Variants in KIF13B observed in about 807,000 individuals in gnomAD.
The protein encoded by KIF13B is kinesin-like protein KIF13B.
KIF13B carries 127 observed loss-of-function variants against 222.0 expected under a neutral mutation model. The observed-to-expected ratio is 0.57, with a 90% CI of 0.50 to 0.66. The LOEUF (loss-of-function observed/expected upper bound fraction) is 0.66, where lower values mean the gene tolerates loss of function less well. Among genes scored for constraint, KIF13B ranks in the 30% least tolerant of loss-of-function variants. The pLI, the probability that KIF13B is intolerant of heterozygous loss-of-function variation, is 0.00. For synonymous variants in KIF13B, 976 were observed against 919.0 expected, an observed-to-expected ratio of 1.06 and a Z score of -1.12; for missense variants, 2,173 against 2,379.0, an observed-to-expected ratio of 0.91 and a Z score of 1.80.
chr8:29,167,346 C>A (rs1201170511), intron 11 of KIF13B, 27 bp downstream of exon 11: 2 of 1,570,460 alleles, frequency 1.3e-6, no homozygotes, highest in Non-Finnish European at 1.7e-6. Context: ...CCTGGACTCA[C>A]AGGGCGCACG....
chr8:29,149,837 G>C (rs1479791738), intron 15 of KIF13B, among the ~76,000 whole-genome samples: 1 of 152,024 alleles, frequency 6.6e-6, no homozygotes, highest in Non-Finnish European at 1.5e-5. Context: ...GTTCTGTCAG[G>C]GGAATAAATG....
At chr8:29,123,186 A>G (rs145066175) in intron 28 of KIF13B, among the ~76,000 whole-genome samples, 180 bp downstream of exon 28, 458 of 152,364 alleles carry the variant, frequency 3.0e-3, no homozygotes, top group African/African-American at 0.01. Context: ...ATTTAATAAA[A>G]CAGTTTTAGG....
At chr8:29,157,437 T>C (rs1252926570) in intron 13 of KIF13B, among the ~76,000 whole-genome samples, 1 of 143,332 alleles carries the variant, frequency 7.0e-6, no homozygotes, top group African/African-American at 2.6e-5. Flanking sequence ...GTGCGGTGGC[T>C]CATACCTGTG....
intron 30 of KIF13B, among the ~76,000 whole-genome samples, chr8:29,117,977 G>A (rs1809680215): frequency 6.6e-6 from 1 of 151,986 alleles, no homozygotes; most frequent in Non-Finnish European, 1.5e-5. Context: ...GACCAACATG[G>A]TGAAACCCCA....
intron 2 of KIF13B, among the ~76,000 whole-genome samples, chr8:29,217,457 T>C (rs1257715636): frequency 6.6e-6 from 1 of 152,328 alleles, no homozygotes; most frequent in South Asian, 2.1e-4. Flanking sequence ...CTATAAAATG[T>C]AGCCAACAAG....
Position 29,113,470 on chromosome 8 carries a change from A to G in KIF13B, c.3923T>C (p.Ile1308Thr), listed in dbSNP as rs1270349457. Residue 1308 changes from isoleucine to threonine, a missense_variant, in exon 32 of 40, where the codon ATT becomes ACT. Physicochemically the swap from Ile to Thr is moderately conservative, Grantham distance 89. Transcript: ENST00000524189. The part of the protein sequence containing the change: ...CGVTFEIVSN[I>T]PEDAQGVEER... ...AAATTGTATATCCTTCACCTCTGGA[A>G]TATTGGAGACAATTTCAAAAGTCAC... 1.3e-6 allele frequency: 2 copies of G among 1,564,114 alleles called. No individual in the cohort carries two copies. Among genetic ancestry groups the G allele is most frequent in the South Asian group, 1.2e-5 (1 of 85,758 alleles).
At chr8:29,083,656 A>G (rs557291927) in intron 37 of KIF13B, among the ~76,000 whole-genome samples, 203 of 152,322 alleles carry the variant, frequency 1.3e-3, no homozygotes, top group Middle Eastern at 3.4e-3. Context: ...CTGGAAAACT[A>G]AAAGAGTGAT....
At chr8:29,076,598 C>T (rs1424171024) in intron 37 of KIF13B, among the ~76,000 whole-genome samples, 1 of 152,242 alleles carries the variant, frequency 6.6e-6, no homozygotes. Flanking sequence ...CCGAAGAAGC[C>T]AGCCCGCTCA....
chr8:29,110,122 C>T (rs980694516), intron 32 of KIF13B, 52 bp from the exon 33 acceptor site: 11 of 1,441,006 alleles, frequency 7.6e-6, no homozygotes, highest in Non-Finnish European at 1.0e-5. Flanking sequence ...TACACACACA[C>T]ACGTACACGC....
Position 29,123,627 on chromosome 8 carries a change from C to T in KIF13B, c.3353-135G>A. ...CTCCCCAGTGATAAAAACTAACCCA[C>T]AGCTAGAGAGGTCAGATGGGCTCCT... On this transcript the variant is annotated intron_variant, in intron 27 of 39. Coordinates refer to ENST00000524189, the MANE Select transcript of KIF13B (RefSeq NM_015254.4). 3.4e-6 allele frequency: 4 copies of T among 1,166,982 alleles called. No homozygotes were observed. In the South Asian group the frequency reaches 4.2e-5, roughly 12 times the overall value. 72.3% of individuals were successfully genotyped at this position (1,166,982 alleles called of 1,614,324 possible). A position where few individuals can be genotyped will look rare whatever the true frequency, so the allele number is the denominator to read the frequency against.
chr8:29,152,789 G>C (rs1301900438), intron 14 of KIF13B, among the ~76,000 whole-genome samples: 1 of 152,076 alleles, frequency 6.6e-6, no homozygotes, highest in Admixed American at 6.5e-5. Context: ...TGTTGGTCAG[G>C]CTAGTCATGA....
Position 29,197,206 on chromosome 8 carries a change from G to A in KIF13B, c.150-1007C>T, listed in dbSNP as rs538512614. 3.3e-4 allele frequency among the ~76,000 whole-genome samples: 50 copies of A among 150,142 alleles called. 2 individuals are homozygous for A. In the South Asian group the frequency reaches 8.5e-3, roughly 26 times the overall value. ...CAAAAAATTAGCCGGGCGTAGTGGC[G>A]GGCGCCTGTAGTCCCAGCTACTTGG... On this transcript the variant is annotated intron_variant, in intron 2 of 39. Coordinates refer to ENST00000524189, the MANE Select transcript of KIF13B (RefSeq NM_015254.4).
chr8:29,229,011 T>C (rs1023921839), intron 2 of KIF13B, among the ~76,000 whole-genome samples: 1 of 149,326 alleles, frequency 6.7e-6, no homozygotes, highest in Non-Finnish European at 1.5e-5. Flanking sequence ...GGGCACTCTA[T>C]GGTTGTTGAA....
intron 35 of KIF13B, among the ~76,000 whole-genome samples, chr8:29,103,684 T>G (rs1188192629): frequency 6.6e-6 from 1 of 152,102 alleles, no homozygotes; most frequent in African/African-American, 2.4e-5. Flanking sequence ...ACTTTTCATA[T>G]GTAGGGGCAT....
intron 2 of KIF13B, among the ~76,000 whole-genome samples, chr8:29,236,478 T>A (rs1188942852): frequency 2.6e-5 from 4 of 152,200 alleles, no homozygotes; most frequent in African/African-American, 7.2e-5. Context: ...CAAAAGTTTT[T>A]AAAAATTAAA....
chr8:29,232,423 A>T (rs1012724050), intron 2 of KIF13B, among the ~76,000 whole-genome samples: 2 of 144,922 alleles, frequency 1.4e-5, no homozygotes, highest in African/African-American at 5.0e-5. Flanking sequence ...AATAAAAAAT[A>T]AAAAAAATTA....
chr8:29,163,193 T>C (rs1006883871), intron 12 of KIF13B, among the ~76,000 whole-genome samples: 25 of 152,314 alleles, frequency 1.6e-4, no homozygotes, highest in African/African-American at 5.3e-4. Context: ...TGCAAAAATA[T>C]TACTGAGCAT....
At chr8:29,186,984 A>T (rs1036760249) in intron 5 of KIF13B, among the ~76,000 whole-genome samples, 2 of 151,704 alleles carry the variant, frequency 1.3e-5, no homozygotes, top group African/African-American at 4.8e-5. Context: ...AAAAAAAAAA[A>T]AAGAAAAATA....
intron 1 of KIF13B, among the ~76,000 whole-genome samples, chr8:29,258,869 T>G (rs1432676698): frequency 1.3e-5 from 2 of 152,206 alleles, no homozygotes; most frequent in Non-Finnish European, 2.9e-5. Context: ...GCATTTTCTT[T>G]TCAAGCCCAT....
Sources: gnomAD v4.1 joint callset for allele counts (sites outside exome capture counted in the v4.1 genomes callset) on GRCh38, gnomAD v4.1.1 for gene constraint, MANE v1.5 for transcripts, NCBI Gene and HGNC (gene_info 2026-07-23, HGNC 2026-07-21) for gene names.